Variants in PRKG1 observed in about 807,000 individuals in gnomAD.
PRKG1 encodes cGMP-dependent protein kinase 1.
Under a neutral mutation model 88.1 loss-of-function variants are expected in PRKG1, and 35 were observed. The observed-to-expected ratio is 0.40, with a 90% CI of 0.30 to 0.53. The LOEUF (loss-of-function observed/expected upper bound fraction) is 0.53. PRKG1 is among the 20% of genes least tolerant of loss of function. The pLI is 0.59. For missense variants in PRKG1, 540 were observed against 839.8 expected (o/e 0.64, Z 4.41); for synonymous variants, 303 against 292.5 (o/e 1.04, Z -0.37).
intron 2 of PRKG1, among the ~76,000 whole-genome samples, chr10:51,169,870 G>C (rs1211112199): frequency 6.6e-6 from 1 of 151,978 alleles, no homozygotes; most frequent in African/African-American, 2.4e-5. Context: ...GTTACCCATT[G>C]ATCTGCCCTG....
At chr10:52,172,806 C>T (rs7902949) in intron 9 of PRKG1, among the ~76,000 whole-genome samples, 122,484 of 152,116 alleles carry the variant, frequency 0.81, 49,742 homozygotes, top group African/African-American at 0.91. Flanking sequence ...GAGGAGGCCA[C>T]ATATATTTAC....
intron 2 of PRKG1, among the ~76,000 whole-genome samples, chr10:51,461,266 C>G (rs1839736675): frequency 6.6e-6 from 1 of 152,044 alleles, no homozygotes; most frequent in Non-Finnish European, 1.5e-5. Context: ...TTGTTTCATT[C>G]CATTTGGATA....
At chr10:51,248,460 C>T (rs1044268683) in intron 2 of PRKG1, among the ~76,000 whole-genome samples, 68 of 151,774 alleles carry the variant, frequency 4.5e-4, no homozygotes, top group African/African-American at 1.5e-3. Context: ...CATTTGTAAC[C>T]ATGATATTAT....
intron 2 of PRKG1, among the ~76,000 whole-genome samples, chr10:51,312,170 C>A (rs1439603380): frequency 6.6e-6 from 1 of 152,162 alleles, no homozygotes; most frequent in East Asian, 1.9e-4. Flanking sequence ...CTGCTCCCAG[C>A]CCTTCCTGAT....
intron 3 of PRKG1, among the ~76,000 whole-genome samples, chr10:51,549,120 C>CTTTTTTT (rs56045527): frequency 0.032 from 2,227 of 70,238 alleles, 327 homozygotes; most frequent in African/African-American, 0.11. Context: ...CTTTTCTTTT[C>CTTTTTTT]TTTTTTTTTT....
At chr10:51,377,567 C>T (rs1354490533) in intron 2 of PRKG1, among the ~76,000 whole-genome samples, 1 of 151,844 alleles carries the variant, frequency 6.6e-6, no homozygotes, top group African/African-American at 2.4e-5. Flanking sequence ...ACCTATGGGT[C>T]ATATCTGGTT....
chr10:50,994,786 A>C (rs1842819216), intron 1 of PRKG1, among the ~76,000 whole-genome samples: 1 of 147,736 alleles, frequency 6.8e-6, no homozygotes, highest in Non-Finnish European at 1.5e-5. Flanking sequence ...CTATGGATTC[A>C]ACCAACTGAG....
rs573144485 is a variant in PRKG1, at chr10:52,279,046, A to G, written c.1404-1743A>G. ...CATAGATAGCAGTGTAGCTAAAGCT[A>G]TATATTAATTATATATACACAGATG... On this transcript the variant is annotated intron_variant, in intron 12 of 17. Transcript: ENST00000373980. Among the ~76,000 whole-genome samples, 10 of 152,298 alleles carry G rather than the reference A, an allele frequency of 6.6e-5. No homozygotes were observed. The East Asian group carries it at 1.7e-3, about 26-fold the overall frequency.
At chr10:52,067,720 T>A (rs1846387373) in intron 7 of PRKG1, among the ~76,000 whole-genome samples, 1 of 105,122 alleles carries the variant, frequency 9.5e-6, no homozygotes, top group South Asian at 4.0e-4. Context: ...CAAGCATCTT[T>A]TTTTTTTTTC....
At chr10:51,020,352 A>G (rs1187734561) in intron 1 of PRKG1, among the ~76,000 whole-genome samples, 1 of 152,132 alleles carries the variant, frequency 6.6e-6, no homozygotes, top group East Asian at 1.9e-4. Context: ...AATTGAAAAC[A>G]GAGTCTCTAA....
intron 1 of PRKG1, among the ~76,000 whole-genome samples, chr10:51,147,614 A>C (rs996938216): frequency 2.0e-5 from 3 of 151,816 alleles, no homozygotes; most frequent in Non-Finnish European, 4.4e-5. Context: ...GCAGGAAAAA[A>C]GTTAGAAGGC....
intron 5 of PRKG1, among the ~76,000 whole-genome samples, chr10:51,979,353 G>A (rs972698663): frequency 5.7e-5 from 8 of 140,364 alleles, no homozygotes; most frequent in Non-Finnish European, 1.2e-4. Flanking sequence ...GCTGGATTTG[G>A]TTTGACAGTA....
At chr10:51,744,724 T>C (rs1404068303) in intron 3 of PRKG1, among the ~76,000 whole-genome samples, 1 of 152,218 alleles carries the variant, frequency 6.6e-6, no homozygotes, top group African/African-American at 2.4e-5. Flanking sequence ...CATTAACCAT[T>C]ATTGATGTGT....
intron 2 of PRKG1, among the ~76,000 whole-genome samples, chr10:51,395,320 C>T (rs1285604367): frequency 1.3e-5 from 2 of 152,218 alleles, no homozygotes; most frequent in African/African-American, 4.8e-5. Context: ...TGCAGCACCT[C>T]ATTGTCTAGG....
At position 51,929,623 on chromosome 10, in the gene PRKG1, G is replaced by A. The variant is rs1187282660; in HGVS notation, c.762+22053G>A. The stretch of plus-strand genomic sequence containing the variant: ...GCCTCGGCCTCTCAAAGTGCTGGGA[G>A]TACAGGCATGAGCCACTGCACCTGG... On this transcript the variant is annotated intron_variant, in intron 5 of 17. Transcript: ENST00000373980. 3.3e-5 allele frequency among the ~76,000 whole-genome samples: 5 copies of A among 151,974 alleles called. No homozygotes were observed. The East Asian group carries it at 9.7e-4, about 29-fold the overall frequency.
chr10:52,154,793 C>A (rs1057061087), intron 8 of PRKG1, among the ~76,000 whole-genome samples: 4 of 152,052 alleles, frequency 2.6e-5, no homozygotes, highest in Admixed American at 1.3e-4. Context: ...TCTCCCACCC[C>A]ACTTCCACCC....
intron 1 of PRKG1, among the ~76,000 whole-genome samples, chr10:51,012,407 T>C (rs1262428004): frequency 2.0e-5 from 3 of 152,208 alleles, no homozygotes; most frequent in African/African-American, 7.2e-5. Context: ...ATCCATTCAG[T>C]ACTTCTATCC....
chr10:52,196,937 T>C (rs2132766148), intron 9 of PRKG1, among the ~76,000 whole-genome samples: 1 of 152,298 alleles, frequency 6.6e-6, no homozygotes, highest in Non-Finnish European at 1.5e-5. Context: ...AGTGTAGCAG[T>C]ATCTCTAAAT....
At chr10:51,570,081 T>TATATA (rs1837711378) in intron 3 of PRKG1, among the ~76,000 whole-genome samples, 1 of 122,338 alleles carries the variant, frequency 8.2e-6, no homozygotes, top group Admixed American at 7.9e-5. Context: ...GTGTGTGTGT[T>TATATA]TATATATGTA....
Sources: allele counts gnomAD v4.1 joint callset (sites outside exome capture counted in the v4.1 genomes callset), GRCh38; gene constraint gnomAD v4.1.1; transcripts MANE v1.5; gene names NCBI Gene and HGNC (gene_info 2026-07-23, HGNC 2026-07-21).